Variants in TBC1D5 observed in about 807,000 individuals in gnomAD.
TBC1D5 encodes TBC1 domain family, member 5.
A neutral mutation model predicts 100.3 loss-of-function variants in TBC1D5; 75 were observed. That is an observed-to-expected ratio of 0.75 (90% CI 0.62 to 0.91). The LOEUF (loss-of-function observed/expected upper bound fraction) is 0.91, where lower values mean the gene tolerates loss of function less well. Ranked by LOEUF, TBC1D5 falls within the 40% of genes least tolerant of loss-of-function variation. TBC1D5 has a pLI of 0.00. For synonymous variants in TBC1D5, 323 were observed against 325.6 expected (o/e 0.99, Z 0.09); for missense variants, 910 against 942.4 (o/e 0.97, Z 0.45).
At chr3:17,283,378 T>C (rs888184627) in intron 15 of TBC1D5, among the ~76,000 whole-genome samples, 3 of 152,118 alleles carry the variant, frequency 2.0e-5, no homozygotes, top group Non-Finnish European at 2.9e-5. Flanking sequence ...CTCAGTTTGG[T>C]AGATGAGAAA....
At chr3:17,593,933 G>A (rs531825375) in intron 2 of TBC1D5, among the ~76,000 whole-genome samples, 1 of 152,110 alleles carries the variant, frequency 6.6e-6, no homozygotes, top group Non-Finnish European at 1.5e-5. Context: ...CATGATTCAC[G>A]GCTCTAGGAA....
chr3:17,527,579 G>A (rs1413487164), intron 2 of TBC1D5, among the ~76,000 whole-genome samples: 4 of 152,132 alleles, frequency 2.6e-5, no homozygotes, highest in Non-Finnish European at 5.9e-5. Context: ...CATCCACTCA[G>A]CCCCTTCTTC....
At chr3:17,344,864 A>G (rs1489736352) in intron 13 of TBC1D5, among the ~76,000 whole-genome samples, 2 of 152,200 alleles carry the variant, frequency 1.3e-5, no homozygotes, top group African/African-American at 4.8e-5. Flanking sequence ...GGCTAGCCAT[A>G]TGTAGAAAGC....
At chr3:17,392,412 T>C (rs2152332718) in intron 8 of TBC1D5, among the ~76,000 whole-genome samples, 1 of 152,104 alleles carries the variant, frequency 6.6e-6, no homozygotes, top group South Asian at 2.1e-4. Context: ...ACGTGTAGAA[T>C]GTGCAGGTTT....
intron 9 of TBC1D5, among the ~76,000 whole-genome samples, chr3:17,379,114 TTGA>T (rs1345860554): frequency 7.2e-5 from 11 of 152,008 alleles, no homozygotes; most frequent in South Asian, 6.2e-4. Flanking sequence ...CAAATTTATC[TTGA>T]TGATTCTATT....
intron 18 of TBC1D5, among the ~76,000 whole-genome samples, chr3:17,213,772 G>A (rs142449740): frequency 1.5e-3 from 221 of 145,460 alleles, no homozygotes; most frequent in Middle Eastern, 3.7e-3. Context: ...ATTTTACAGC[G>A]TATCAAAATA....
chr3:17,366,863 T>C (rs1159375203), intron 13 of TBC1D5, among the ~76,000 whole-genome samples: 2 of 152,132 alleles, frequency 1.3e-5, no homozygotes. Flanking sequence ...TAGTAATCAA[T>C]AACCAAGAAT....
rs557304162 is a variant in TBC1D5 at position 17,375,201 on chromosome 3, T to C, written c.702-522A>G. Among the ~76,000 whole-genome samples the C allele has an allele frequency of 2.0e-5, 3 of 152,252 alleles. No homozygotes were observed. In the South Asian group the frequency reaches 6.2e-4, roughly 32 times the overall value. ...TAAAAGCTATTTTCAATCACCTATA[T>C]TTTTTTGTAAATTATATTCTACATG... On this transcript the variant is annotated intron_variant, in intron 10 of 21. Transcript: ENST00000253692.
chr3:17,549,734 C>T (rs1363222087), intron 2 of TBC1D5, among the ~76,000 whole-genome samples: 1 of 152,040 alleles, frequency 6.6e-6, no homozygotes, highest in Non-Finnish European at 1.5e-5. Context: ...AGTTCAAGAC[C>T]AGCCTGGCCA....
intron 15 of TBC1D5, among the ~76,000 whole-genome samples, chr3:17,287,293 T>C (rs1452324176): frequency 4.6e-5 from 7 of 152,198 alleles, no homozygotes; most frequent in Admixed American, 4.6e-4. Context: ...TACCAAGATA[T>C]GCAGGACACA....
chr3:17,551,375 T>C (rs1320983783), intron 2 of TBC1D5, among the ~76,000 whole-genome samples: 1 of 152,144 alleles, frequency 6.6e-6, no homozygotes, highest in Non-Finnish European at 1.5e-5. Context: ...GCTATTAAAA[T>C]ACTCCTCTTT....
At chr3:17,627,317 A>G (rs1039253751) in intron 1 of TBC1D5, among the ~76,000 whole-genome samples, 1 of 152,190 alleles carries the variant, frequency 6.6e-6, no homozygotes, top group Non-Finnish European at 1.5e-5. Flanking sequence ...GTGAGGGGAC[A>G]GAGGGATGGA....
chr3:17,361,482 T>C (rs2151884746), intron 13 of TBC1D5, among the ~76,000 whole-genome samples: 1 of 152,192 alleles, frequency 6.6e-6, no homozygotes, highest in Non-Finnish European at 1.5e-5. Flanking sequence ...TCATTTCACG[T>C]GCACAAGAAA....
At chr3:17,581,509 A>AT (rs2096696506) in intron 2 of TBC1D5, among the ~76,000 whole-genome samples, 1 of 152,034 alleles carries the variant, frequency 6.6e-6, no homozygotes, top group Non-Finnish European at 1.5e-5. Context: ...TTATAATATA[A>AT]TTTTCCCCTT....
rs1056464940 is a variant in TBC1D5, at chr3:17,248,190, C to T, written c.1332-9771G>A. 5.3e-5 allele frequency among the ~76,000 whole-genome samples: 8 copies of T among 152,250 alleles called. No individual in the cohort carries two copies. In the East Asian group the frequency reaches 1.4e-3, roughly 26 times the overall value. ...TATTTTTGGTAGAGACAGGGTTTCA[C>T]CATGTTGGCCAGGCTGGTCTCGAAC... On this transcript the variant is annotated intron_variant, in intron 16 of 21. Transcript: ENST00000253692.
intron 3 of TBC1D5, among the ~76,000 whole-genome samples, chr3:17,502,303 CAAT>C (rs1265703556): frequency 6.7e-6 from 1 of 149,918 alleles, no homozygotes; most frequent in Admixed American, 6.6e-5. Flanking sequence ...CTTATCACAA[CAAT>C]GACTTTGTCC....
intron 3 of TBC1D5, among the ~76,000 whole-genome samples, chr3:17,480,685 C>A (rs560289859): frequency 7.2e-5 from 11 of 152,258 alleles, no homozygotes; most frequent in African/African-American, 2.4e-4. Context: ...CCACTGAGAG[C>A]TGGAGACTCA....
At chr3:17,600,423 T>C (rs1248969131) in intron 2 of TBC1D5, among the ~76,000 whole-genome samples, 2 of 152,212 alleles carry the variant, frequency 1.3e-5, no homozygotes, top group African/African-American at 4.8e-5. Context: ...AATTAATTCA[T>C]ATTGCTAATG....
intron 13 of TBC1D5, among the ~76,000 whole-genome samples, chr3:17,309,797 T>C (rs2083794480): frequency 6.6e-6 from 1 of 152,108 alleles, no homozygotes; most frequent in African/African-American, 2.4e-5. Context: ...GAACCAGAGA[T>C]GGGCACAGCA....
Sources: gnomAD v4.1 joint callset for allele counts (sites outside exome capture counted in the v4.1 genomes callset) on GRCh38, gnomAD v4.1.1 for gene constraint, MANE v1.5 for transcripts, NCBI Gene and HGNC (gene_info 2026-07-23, HGNC 2026-07-21) for gene names.